Variants in SEPTIN6 observed in about 807,000 individuals in gnomAD.
The protein encoded by SEPTIN6 is septin-6.
In SEPTIN6, 8 loss-of-function variants were observed where a neutral mutation model predicts 33.6. The observed-to-expected ratio is 0.24, with a 90% confidence interval of 0.14 to 0.43. SEPTIN6 has a LOEUF of 0.43. SEPTIN6 is among the 20% of genes least tolerant of loss of function. The pLI is 1.00. For synonymous variants in SEPTIN6, 131 were observed against 140.0 expected (o/e 0.94, Z 0.45); for missense variants, 250 against 340.8 (o/e 0.73, Z 2.10).
intron 2 of SEPTIN6, among the ~76,000 whole-genome samples, chrX:119,666,613 A>G (rs888052336): frequency 9.0e-6 from 1 of 111,518 alleles, no homozygotes; most frequent in Non-Finnish European, 1.9e-5. Flanking sequence ...CCGGCCCCCC[A>G]GCCCAATTTC....
intron 3 of SEPTIN6, among the ~76,000 whole-genome samples, chrX:119,654,864 C>T (rs35693779): frequency 3.2e-3 from 352 of 111,270 alleles, no homozygotes; most frequent in Non-Finnish European, 5.8e-3. Context: ...GAAGGGTAAT[C>T]GCATCAAAGA....
At chrX:119,649,652 G>A (rs761015701) in intron 5 of SEPTIN6, among the ~76,000 whole-genome samples, 21 of 109,628 alleles carry the variant, frequency 1.9e-4, no homozygotes, top group Non-Finnish European at 3.8e-4. Context: ...CAGGAGGATC[G>A]CTTGAGCCCA....
At chrX:119,624,182 T>C (rs1415518584) in intron 10 of SEPTIN6, 2 of 241,456 alleles carry the variant, frequency 8.3e-6, no homozygotes, top group African/African-American at 3.0e-5. Context: ...TGTTTGTTTG[T>C]TTGTTTTTTT....
intron 3 of SEPTIN6, 59 bp from the exon 4 acceptor site, chrX:119,653,099 T>C: frequency 2.0e-6 from 2 of 979,109 alleles, no homozygotes; most frequent in African/African-American, 1.9e-5. Flanking sequence ...TTTGACACCG[T>C]CCTTTTTGGA....
intron 5 of SEPTIN6, among the ~76,000 whole-genome samples, chrX:119,642,783 G>C (rs1435949695): frequency 9.0e-6 from 1 of 111,369 alleles, no homozygotes; most frequent in East Asian, 2.8e-4. Flanking sequence ...CTCAGCTCCA[G>C]GACCTCCACC....
chrX:119,637,292 G>T, intron 6 of SEPTIN6, 97 bp from the exon 7 acceptor site: 1 of 771,554 alleles, frequency 1.3e-6, no homozygotes, highest in Non-Finnish European at 1.9e-6. Flanking sequence ...TAACAGTGAC[G>T]TTGCCTTGCA....
chrX:119,647,945 G>T (rs185210932), intron 5 of SEPTIN6, among the ~76,000 whole-genome samples: 11 of 106,850 alleles, frequency 1.0e-4, no homozygotes, highest in Non-Finnish European at 1.7e-4. Context: ...TAGCCACCGC[G>T]CCCGGCCACT....
At chrX:119,649,090 A>G (rs1432540198) in intron 5 of SEPTIN6, among the ~76,000 whole-genome samples, 1 of 106,092 alleles carries the variant, frequency 9.4e-6, no homozygotes, top group African/African-American at 3.4e-5. Flanking sequence ...TTCACACTTA[A>G]TAAAGCAAAG....
intron 7 of SEPTIN6, among the ~76,000 whole-genome samples, chrX:119,636,173 A>T (rs914928605): frequency 8.1e-5 from 9 of 111,658 alleles, no homozygotes; most frequent in African/African-American, 2.9e-4. Context: ...CTCTGACTCC[A>T]GGCCAGCTTT....
chrX:119,631,230 G>C (rs1196573452), intron 8 of SEPTIN6, among the ~76,000 whole-genome samples: 1 of 104,527 alleles, frequency 9.6e-6, no homozygotes, highest in African/African-American at 3.5e-5. Context: ...GCCCAAGCTG[G>C]AGTGCAGTGG....
chrX:119,676,155 A>G (rs1401783495), intron 1 of SEPTIN6, among the ~76,000 whole-genome samples: 1 of 112,204 alleles, frequency 8.9e-6, no homozygotes, highest in Non-Finnish European at 1.9e-5. Context: ...AAGTATTACG[A>G]AAAGGGTTTA....
At chrX:119,621,534 C>G in intron 10 of SEPTIN6, among the ~76,000 whole-genome samples, 1 of 103,883 alleles carries the variant, frequency 9.6e-6, no homozygotes, top group Middle Eastern at 4.9e-3. Context: ...CTCTGTCACC[C>G]AGGCTGGAGT....
At chrX:119,629,728 A>G (rs139131983) in intron 8 of SEPTIN6, among the ~76,000 whole-genome samples, 1 of 112,069 alleles carries the variant, frequency 8.9e-6, no homozygotes, top group African/African-American at 3.2e-5. Context: ...GCTCCTGAAT[A>G]TGGTAAAGGA....
intron 5 of SEPTIN6, among the ~76,000 whole-genome samples, chrX:119,644,630 C>G (rs183482472): frequency 9.0e-6 from 1 of 110,606 alleles, no homozygotes; most frequent in African/African-American, 3.3e-5. Context: ...AGGTGGATCA[C>G]GAGGTCAGGA....
At chrX:119,664,718 G>A (rs1286278062) in intron 2 of SEPTIN6, among the ~76,000 whole-genome samples, 1 of 107,153 alleles carries the variant, frequency 9.3e-6, no homozygotes, top group Non-Finnish European at 1.9e-5. Context: ...GCAGGCGCCT[G>A]TAATCCCAGC....
intron 5 of SEPTIN6, among the ~76,000 whole-genome samples, chrX:119,644,408 CA>C (rs61111445): frequency 0.023 from 2,385 of 104,642 alleles, 41 homozygotes; most frequent in African/African-American, 0.063. Context: ...GAAATTTATT[CA>C]AAAAAAAAAA....
At chrX:119,651,049 A>T (rs2054340891) in intron 4 of SEPTIN6, among the ~76,000 whole-genome samples, 1 of 108,547 alleles carries the variant, frequency 9.2e-6, no homozygotes, top group Non-Finnish European at 1.9e-5. Context: ...CACTAAGTTC[A>T]GGTTGACATG....
intron 1 of SEPTIN6, among the ~76,000 whole-genome samples, chrX:119,685,779 G>T (rs6655441): frequency 9.0e-6 from 1 of 111,552 alleles, no homozygotes; most frequent in Non-Finnish European, 1.9e-5. Context: ...CTGGAAACCC[G>T]TGAGCTCCCC....
chrX:119,658,694 A>G, intron 3 of SEPTIN6, among the ~76,000 whole-genome samples: 1 of 112,477 alleles, frequency 8.9e-6, no homozygotes, highest in Non-Finnish European at 1.9e-5. Context: ...TGGATATTAT[A>G]CCATCCTTTT....
Sources: gnomAD v4.1 joint callset for allele counts (sites outside exome capture counted in the v4.1 genomes callset) on GRCh38, gnomAD v4.1.1 for gene constraint, MANE v1.5 for transcripts, NCBI Gene and HGNC (gene_info 2026-07-23, HGNC 2026-07-21) for gene names.